SPNS3: variants seen among roughly 807,000 people sequenced by gnomAD.
SPNS3 encodes SPNS lysolipid transporter 3, sphingosine-1-phosphate (putative), also known as protein spinster homolog 3.
Under a neutral mutation model 54.4 loss-of-function variants are expected in SPNS3, and 51 were observed. The ratio of observed to expected loss-of-function variants is 0.94; its 90% CI spans 0.75 to 1.18. The LOEUF (loss-of-function observed/expected upper bound fraction) is 1.18. Ranked by LOEUF, SPNS3 falls within the 50% of genes most tolerant of loss-of-function variation. SPNS3 has a pLI of 0.00. For synonymous variants in SPNS3, 309 were observed against 294.7 expected (o/e 1.05, Z -0.50); for missense variants, 669 against 677.4 (o/e 0.99, Z 0.14).
At chr17:4,475,508 AC>A (rs1249268028) in intron 8 of SPNS3, among the ~76,000 whole-genome samples, 1 of 151,828 alleles carries the variant, frequency 6.6e-6, no homozygotes, top group Non-Finnish European at 1.5e-5. Flanking sequence ...GCATGTAGGG[AC>A]CCCCCAACCC....
At chr17:4,463,525 C>T (rs1971596335) in intron 8 of SPNS3, among the ~76,000 whole-genome samples, 1 of 151,818 alleles carries the variant, frequency 6.6e-6, no homozygotes, top group African/African-American at 2.4e-5. Context: ...GTCATGAGTT[C>T]GAGACCAGCC....
intron 8 of SPNS3, among the ~76,000 whole-genome samples, chr17:4,456,109 A>T (rs1971306380): frequency 6.6e-6 from 1 of 151,828 alleles, no homozygotes; most frequent in South Asian, 2.1e-4. Context: ...GCACCACCAC[A>T]CCAGGCTAAT....
At chr17:4,457,369 G>T (rs549954797) in intron 8 of SPNS3, among the ~76,000 whole-genome samples, 1 of 152,328 alleles carries the variant, frequency 6.6e-6, no homozygotes, top group African/African-American at 2.4e-5. Flanking sequence ...TCCAGCCTGG[G>T]TGACAGAGTA....
In SPNS3 at chr17:4,445,025, C is replaced by T. The variant is rs372711340; in HGVS notation, c.266-7C>T. The T allele has an allele frequency of 8.7e-6, 14 of 1,612,518 alleles. No homozygotes were observed. The African/African-American group carries it at 1.3e-4, about 15-fold the overall frequency. On this transcript the variant is annotated splice_region_variant and splice_polypyrimidine_tract_variant and intron_variant, in intron 2 of 11. Transcript: ENST00000355530. The stretch of plus-strand genomic sequence containing the variant: ...GGATCCAGGCTGCCCCTGTGTGTCT[C>T]CTTCAGTCTTCGTTAGCTGCCTGCT...
At chr17:4,453,628 A>T (rs578225064) in intron 8 of SPNS3, among the ~76,000 whole-genome samples, 4 of 151,702 alleles carry the variant, frequency 2.6e-5, no homozygotes, top group African/African-American at 9.7e-5. Flanking sequence ...GGGGGAAAAA[A>T]ACAGAGAGAG....
chr17:4,446,909 GT>G lies in SPNS3; in HGVS notation c.569del (p.Val190GlyfsTer6). 6.2e-7 allele frequency: 1 copy of G among 1,614,112 alleles called. No homozygotes were observed. Among genetic ancestry groups the G allele is most frequent in the Non-Finnish European group, 8.5e-7 (1 of 1,180,022 alleles). ...CCTTTGTTGCAGTGGTCTGGGCTAC[GT>G]GCTGGGGTCGGCTGTGACGATGCTG... ...FIPVGSGLGY[V>X]LGSAVTMLTG... On this transcript the variant is annotated frameshift_variant, in exon 5 of 12. Transcript: ENST00000355530. LOFTEE classifies it high-confidence loss of function.
At position 4,486,573 on chromosome 17, in the gene SPNS3, G is replaced by A; in HGVS notation, c.1440G>A (p.Gln480=). Residue 480 remains glutamine (Q), a synonymous_variant, in exon 11 of 12, where the codon CAG becomes CAA. Transcript: ENST00000355530. The surrounding 1 kb of genome is among the most constrained non-coding windows in gnomAD (Gnocchi z 5.5). Reference sequence around the variant, plus strand: ...AGAGAGACGAGACCCGGGCCTGGCAGCCTGTCACAGGTACCCTACCCATTG... The same window carrying A: ...AGAGAGACGAGACCCGGGCCTGGCAACCTGTCACAGGTACCCTACCCATTG... ...YLERDETRAW[Q]PVTGTPDSND... 11 of 1,611,982 alleles carry A rather than the reference G, an allele frequency of 6.8e-6. No homozygotes were observed. The highest frequency in any genetic ancestry group is 9.3e-6 in the Non-Finnish European group (11 of 1,179,228).
chr17:4,473,428 C>T (rs1306942305), intron 8 of SPNS3, among the ~76,000 whole-genome samples: 5 of 148,152 alleles, frequency 3.4e-5, no homozygotes, highest in Admixed American at 1.4e-4. Flanking sequence ...GAGAGAGTCT[C>T]ACTCTTTTGC....
chr17:4,487,539 C>T (rs1022868448), intron 11 of SPNS3, among the ~76,000 whole-genome samples: 4 of 152,332 alleles, frequency 2.6e-5, no homozygotes, highest in African/African-American at 4.8e-5. Flanking sequence ...ATTGATGTTG[C>T]CAAAGCATCT....
At chr17:4,446,274 TG>T in intron 4 of SPNS3, 75 bp downstream of exon 4, 1 of 1,498,582 alleles carries the variant, frequency 6.7e-7, no homozygotes, top group Non-Finnish European at 9.0e-7. Flanking sequence ...GGGCTGGACC[TG>T]GGTAGGAGAG....
intron 1 of SPNS3, among the ~76,000 whole-genome samples, 195 bp from the exon 2 acceptor site, chr17:4,439,463 C>T (rs927268387): frequency 6.6e-6 from 1 of 152,092 alleles, no homozygotes; most frequent in African/African-American, 2.4e-5. Flanking sequence ...GAAATGCACA[C>T]GTTTCTCTGT....
chr17:4,464,268 C>G (rs946843086), intron 8 of SPNS3, among the ~76,000 whole-genome samples: 3 of 152,216 alleles, frequency 2.0e-5, no homozygotes, highest in African/African-American at 2.4e-5. Context: ...GGTCCAGACA[C>G]GCACACAGCA....
chr17:4,472,371 G>T (rs1415724336), intron 8 of SPNS3, among the ~76,000 whole-genome samples: 1 of 152,196 alleles, frequency 6.6e-6, no homozygotes, highest in Non-Finnish European at 1.5e-5. Context: ...CAAAGGGGAT[G>T]CAGTTTGAGT....
intron 8 of SPNS3, among the ~76,000 whole-genome samples, chr17:4,467,040 A>G (rs1971694647): frequency 6.6e-6 from 1 of 152,150 alleles, no homozygotes; most frequent in South Asian, 2.1e-4. Context: ...AGCGCAGTCC[A>G]TGCGGAGGGC....
intron 2 of SPNS3, among the ~76,000 whole-genome samples, chr17:4,443,112 A>G (rs1360413537): frequency 6.6e-6 from 1 of 151,750 alleles, no homozygotes; most frequent in Non-Finnish European, 1.5e-5. Flanking sequence ...GCTCTGTCAC[A>G]CAGGCTGGAG....
At chr17:4,476,853 T>C (rs1972015651) in intron 8 of SPNS3, among the ~76,000 whole-genome samples, 1 of 152,214 alleles carries the variant, frequency 6.6e-6, no homozygotes, top group South Asian at 2.1e-4. Context: ...TGGCTGGTTC[T>C]GCTCTCCCTC....
At chr17:4,438,302 C>A (rs1182929751) in intron 1 of SPNS3, among the ~76,000 whole-genome samples, 1 of 152,184 alleles carries the variant, frequency 6.6e-6, no homozygotes, top group Non-Finnish European at 1.5e-5. Context: ...GACGGGCAAC[C>A]TTGGGCCGCT....
chr17:4,477,084 G>C (rs1299359672), intron 8 of SPNS3, among the ~76,000 whole-genome samples: 1 of 152,164 alleles, frequency 6.6e-6, no homozygotes, highest in Non-Finnish European at 1.5e-5. Context: ...GCCTCACCAG[G>C]TACTGTGGAT....
intron 1 of SPNS3, among the ~76,000 whole-genome samples, chr17:4,435,440 C>CAAAAAAA (rs759364661): frequency 2.9e-5 from 2 of 68,362 alleles, no homozygotes; most frequent in Non-Finnish European, 6.0e-5. Flanking sequence ...GGCTCTGTCT[C>CAAAAAAA]AAAAAAAAAA....
Sources: allele counts gnomAD v4.1 joint callset (sites outside exome capture counted in the v4.1 genomes callset), GRCh38; gene constraint gnomAD v4.1.1; non-coding constraint Gnocchi (gnomAD v3.1); transcripts MANE v1.5; gene names NCBI Gene and HGNC (gene_info 2026-07-23, HGNC 2026-07-21).